TNS1: variants seen among roughly 807,000 people sequenced by gnomAD.
The protein encoded by TNS1 is tensin-1.
In TNS1, 62 loss-of-function variants were observed where a neutral mutation model predicts 168.6. The ratio of observed to expected loss-of-function variants is 0.37; its 90% CI spans 0.30 to 0.45. The LOEUF (loss-of-function observed/expected upper bound fraction) is 0.45, where lower values mean the gene tolerates loss of function less well. TNS1 is among the 20% of genes least tolerant of loss of function. The pLI is 1.00. For synonymous variants in TNS1, 934 were observed against 933.2 expected (o/e 1.00, Z -0.02); for missense variants, 2,240 against 2,339.4 (o/e 0.96, Z 0.88).
intron 32 of TNS1, among the ~76,000 whole-genome samples, chr2:217,805,057 A>C (rs1938234036): frequency 6.6e-6 from 1 of 151,830 alleles, no homozygotes; most frequent in Admixed American, 6.6e-5. Context: ...CCACAAGGTC[A>C]GGGAGACAAA....
rs147348495 is a variant in TNS1, at chr2:217,836,024, C to T, written c.3195G>A (p.Arg1065=). The T allele has an allele frequency of 9.9e-6, 16 of 1,612,558 alleles. No homozygotes were observed. In the African/African-American group the frequency reaches 2.0e-4, roughly 20 times the overall value. Residue 1065 remains arginine (R), a synonymous_variant, in exon 20 of 33, where the codon CGG becomes CGA. Coordinates refer to ENST00000682258, the MANE Select transcript of TNS1 (RefSeq NM_001387777.1). Reference sequence around the variant, plus strand: ...CAGCTTAAGGACTCACCTCTTTGGGCCGCCCTCCAGGATTGAGAGCGATGG... The same window carrying T: ...CAGCTTAAGGACTCACCTCTTTGGGTCGCCCTCCAGGATTGAGAGCGATGG... ...ALTIALNPGG[R]PKEPHLHSYK...
chr2:217,892,597 T>G (rs551099522), intron 11 of TNS1, among the ~76,000 whole-genome samples: 1 of 152,328 alleles, frequency 6.6e-6, no homozygotes, highest in East Asian at 1.9e-4. Flanking sequence ...GACCCAGATC[T>G]GATCCGACAT....
chr2:217,981,699 G>A (rs768552872), intron 2 of TNS1, among the ~76,000 whole-genome samples: 16 of 152,256 alleles, frequency 1.1e-4, no homozygotes, highest in Non-Finnish European at 1.8e-4. Flanking sequence ...CCCCAAGGAG[G>A]CCCGCTTGCT....
chr2:217,808,228 TCATTCCCC>T (rs1278049828), intron 31 of TNS1, 121 bp from the exon 32 acceptor site: 15 of 977,268 alleles, frequency 1.5e-5, no homozygotes, highest in East Asian at 3.3e-5. Context: ...CATTCCCCCC[TCATTCCCC>T]CATTCCCCCA....
In TNS1 at chr2:217,997,636, G is replaced by A. The variant is rs141660691; in HGVS notation, c.33+5204C>T. Among the ~76,000 whole-genome samples, 181 of 152,246 alleles carry A rather than the reference G, an allele frequency of 1.2e-3. 1 individual carries two copies. The highest frequency in any genetic ancestry group is 3.9e-3 in the African/African-American group (160 of 41,542). ...ACAGCAGTACTTGCTGCAGTCTAAC[G>A]GCCCCTGCACTTGTTACCTGGGCAA... is the stretch of plus-strand genomic sequence containing the variant. On this transcript the variant is annotated intron_variant, in intron 1 of 32. Transcript: ENST00000682258.
chr2:217,934,894 C>G (rs1342787083), intron 3 of TNS1, among the ~76,000 whole-genome samples: 2 of 152,252 alleles, frequency 1.3e-5, no homozygotes, highest in African/African-American at 4.8e-5. Context: ...AAGATCCATG[C>G]ACTTACAGAA....
At chr2:217,838,575 T>G (rs565381625) in intron 19 of TNS1, among the ~76,000 whole-genome samples, 1 of 152,220 alleles carries the variant, frequency 6.6e-6, no homozygotes, top group Non-Finnish European at 1.5e-5. Flanking sequence ...GGTAAGACCC[T>G]GCATTCCACT....
intron 3 of TNS1, among the ~76,000 whole-genome samples, chr2:217,960,530 C>T (rs1957471076): frequency 6.6e-6 from 1 of 152,094 alleles, no homozygotes; most frequent in Non-Finnish European, 1.5e-5. Context: ...GCACAGATGG[C>T]CCATGCTGTT....
In TNS1 at chr2:217,886,646, C is replaced by T; in HGVS notation, c.867G>A (p.Arg289=). ...GCAGGCCACTGAAGTAATGCACGTA[C>T]CTGTAGTGGTGGGAGAAGCAGCTTC... ...IVPIGQPSQR[R]YVHYFSGLLS... Residue 289 remains arginine (R), a splice_region_variant and synonymous_variant, in exon 13 of 33, where the codon AGG becomes AGA. Transcript: ENST00000682258. The T allele has an allele frequency of 6.3e-7, 1 of 1,577,254 alleles. No individual in the cohort carries two copies. Among genetic ancestry groups the T allele is most frequent in the South Asian group, 1.2e-5 (1 of 85,962 alleles).
chr2:217,975,648 G>A (rs558014497), intron 3 of TNS1, among the ~76,000 whole-genome samples: 15 of 152,242 alleles, frequency 9.9e-5, no homozygotes, highest in East Asian at 9.6e-4. Context: ...CGCATACCTC[G>A]TCTATCTCAG....
chr2:217,826,764 T>C (rs962411101), intron 22 of TNS1, among the ~76,000 whole-genome samples: 5 of 152,154 alleles, frequency 3.3e-5, no homozygotes, highest in African/African-American at 1.2e-4. Flanking sequence ...GTGCTTCATG[T>C]AGAACATTCC....
At chr2:217,927,226 G>C (rs2125887280) in intron 3 of TNS1, among the ~76,000 whole-genome samples, 1 of 152,328 alleles carries the variant, frequency 6.6e-6, no homozygotes, top group South Asian at 2.1e-4. Context: ...CATTAAAAAG[G>C]CATGGAGGTG....
At chr2:217,850,859 T>C (rs1947389717) in intron 18 of TNS1, among the ~76,000 whole-genome samples, 1 of 151,830 alleles carries the variant, frequency 6.6e-6, no homozygotes, top group Admixed American at 6.6e-5. Context: ...TACACACAAA[T>C]ACCAACAACA....
At chr2:217,992,049 G>C (rs919864013) in intron 1 of TNS1, among the ~76,000 whole-genome samples, 1 of 152,062 alleles carries the variant, frequency 6.6e-6, no homozygotes, top group Non-Finnish European at 1.5e-5. Flanking sequence ...TCTGTCCTTT[G>C]AAATCACATA....
intron 22 of TNS1, among the ~76,000 whole-genome samples, chr2:217,826,058 CG>C (rs1233724004): frequency 2.0e-5 from 3 of 152,138 alleles, no homozygotes; most frequent in African/African-American, 7.2e-5. Flanking sequence ...CTGCCCTCAC[CG>C]GGCCCCCACC....
At position 218,029,286 on chromosome 2, in the gene TNS1, C is replaced by G. The variant is rs772306915; in HGVS notation, c.156+4534G>C. On this transcript the variant is annotated intron_variant, in intron 1 of 1. Coordinates refer to the TNS1 transcript ENST00000649572. ...ACATAAGAGGATGCTAGAGAATCTT[C>G]TCCCATCCCCAAGGCATCCCTCACC... Among the ~76,000 whole-genome samples the G allele has an allele frequency of 1.1e-4, 16 of 143,874 alleles. No individual in the cohort carries two copies. The South Asian group carries it at 3.4e-3, about 31-fold the overall frequency. The allele number at this position is 143,874 out of a possible 152,430, so 94.4% of individuals were successfully genotyped here.
At chr2:217,894,650 G>A in intron 9 of TNS1, among the ~76,000 whole-genome samples, 1 of 152,038 alleles carries the variant, frequency 6.6e-6, no homozygotes, top group East Asian at 1.9e-4. Context: ...GAGGGGGACT[G>A]CATCTCAAAA....
chr2:217,924,115 G>C (rs1215733433), intron 3 of TNS1, among the ~76,000 whole-genome samples: 1 of 152,184 alleles, frequency 6.6e-6, no homozygotes, highest in Non-Finnish European at 1.5e-5. Flanking sequence ...GCCACACACA[G>C]AGGTGGGTTC....
intron 3 of TNS1, among the ~76,000 whole-genome samples, chr2:217,946,067 G>A (rs1384681444): frequency 1.3e-5 from 2 of 152,160 alleles, no homozygotes; most frequent in Admixed American, 6.5e-5. Context: ...GCTACTTCCA[G>A]TCCAAGCTCT....
Sources: gnomAD v4.1 joint callset for allele counts (sites outside exome capture counted in the v4.1 genomes callset) on GRCh38, gnomAD v4.1.1 for gene constraint, MANE v1.5 for transcripts, NCBI Gene and HGNC (gene_info 2026-07-23, HGNC 2026-07-21) for gene names.